Variants in ARID1B observed in about 807,000 individuals in gnomAD.
ARID1B encodes the protein AT-rich interaction domain 1B.
Under a neutral mutation model 212.3 loss-of-function variants are expected in ARID1B, and 30 were observed. The observed-to-expected ratio is 0.14, with a 90% CI of 0.11 to 0.19. ARID1B has a LOEUF of 0.19. Among genes scored for constraint, ARID1B ranks in the 10% least tolerant of loss-of-function variants. The pLI is 1.00. For missense variants in ARID1B, 2,891 were observed against 3,204.0 expected, an observed-to-expected ratio of 0.90 and a Z score of 2.36; for synonymous variants, 1,402 against 1,301.7, an observed-to-expected ratio of 1.08 and a Z score of -1.66.
chr6:156,962,148 A>C (rs1467155985), intron 4 of ARID1B, among the ~76,000 whole-genome samples: 3 of 151,830 alleles, frequency 2.0e-5, no homozygotes, highest in Non-Finnish European at 2.9e-5. Flanking sequence ...AAATACAAAA[A>C]ATTAGCCGGG....
chr6:157,036,791 G>A (rs1266244821), intron 4 of ARID1B: 2 of 488,050 alleles, frequency 4.1e-6, no homozygotes, highest in African/African-American at 2.0e-5. Context: ...GACTCAAAGA[G>A]GTTTTTGATA....
chr6:157,029,853 G>T (rs568161349), intron 4 of ARID1B, among the ~76,000 whole-genome samples: 8 of 152,168 alleles, frequency 5.3e-5, no homozygotes, highest in African/African-American at 1.9e-4. Context: ...TTAATTTTAC[G>T]GTCTTGGAAG....
intron 1 of ARID1B, 138 bp downstream of exon 1, chr6:156,779,609 C>A: frequency 3.2e-6 from 3 of 924,748 alleles, no homozygotes; most frequent in African/African-American, 1.8e-5. Context: ...GCCATCTTGA[C>A]GGGCGGCCGC....
chr6:156,850,966 C>T (rs1056083616), intron 2 of ARID1B, among the ~76,000 whole-genome samples: 2 of 152,180 alleles, frequency 1.3e-5, no homozygotes, highest in Non-Finnish European at 1.5e-5. Flanking sequence ...ATGAAGGGAA[C>T]GAGGTGCTTC....
intron 4 of ARID1B, among the ~76,000 whole-genome samples, chr6:156,950,920 T>C (rs920998717): frequency 6.6e-6 from 1 of 152,206 alleles, no homozygotes; most frequent in African/African-American, 2.4e-5. Flanking sequence ...ATAATATAAT[T>C]GATGCAATTT....
At chr6:156,948,742 A>T (rs1793358570) in intron 4 of ARID1B, among the ~76,000 whole-genome samples, 1 of 152,226 alleles carries the variant, frequency 6.6e-6, no homozygotes, top group African/African-American at 2.4e-5. Flanking sequence ...AAATTATTTC[A>T]CTGGCTTATT....
intron 2 of ARID1B, among the ~76,000 whole-genome samples, chr6:156,864,137 A>AT (rs1349294789): frequency 6.6e-6 from 1 of 152,128 alleles, no homozygotes; most frequent in African/African-American, 2.4e-5. Flanking sequence ...CTAGTTTTAT[A>AT]TTTTCTTAAA....
In ARID1B at chr6:157,157,181, C is replaced by T. The variant is rs141480703; in HGVS notation, c.3089+8230C>T. 5.1e-3 allele frequency among the ~76,000 whole-genome samples: 781 copies of T among 152,254 alleles called. 6 individuals carry two copies. The highest frequency in any genetic ancestry group is 0.018 in the African/African-American group (730 of 41,522). ...CTGTGCTCACTCGGAGATGGCTCAC[C>T]GTGACTCGCGCACCACTGTCTATGC... On this transcript the variant is annotated intron_variant, in intron 8 of 19. Coordinates refer to ENST00000636930, the MANE Select transcript of ARID1B (RefSeq NM_001374828.1).
chr6:156,830,486 A>T (rs1164390444), intron 2 of ARID1B, among the ~76,000 whole-genome samples: 1 of 152,248 alleles, frequency 6.6e-6, no homozygotes, highest in East Asian at 1.9e-4. Flanking sequence ...CATGATACAT[A>T]GCTGTATATT....
At chr6:156,944,925 CTTT>C (rs543626936) in intron 4 of ARID1B, among the ~76,000 whole-genome samples, 5 of 135,352 alleles carry the variant, frequency 3.7e-5, no homozygotes, top group Non-Finnish European at 4.7e-5. Flanking sequence ...TTTTCTTTTC[CTTT>C]TTTTTTTTTT....
intron 4 of ARID1B, among the ~76,000 whole-genome samples, chr6:157,077,280 T>G (rs569596466): frequency 6.6e-6 from 1 of 152,350 alleles, no homozygotes; most frequent in East Asian, 1.9e-4. Flanking sequence ...GTGTTTAAAG[T>G]GTTCTTAGTC....
chr6:157,165,627 C>T (rs1791274764), intron 8 of ARID1B, among the ~76,000 whole-genome samples: 1 of 152,086 alleles, frequency 6.6e-6, no homozygotes, highest in Non-Finnish European at 1.5e-5. Flanking sequence ...GTGGGCATAT[C>T]GCTTTGAGCT....
chr6:157,005,131 T>TG (rs1173319219), intron 4 of ARID1B, among the ~76,000 whole-genome samples: 215 of 122,488 alleles, frequency 1.8e-3, no homozygotes, highest in African/African-American at 7.4e-3. Context: ...CCAGGCTGTT[T>TG]TTTGTTGTTG....
At chr6:156,912,965 ACT>A (rs1177844372) in intron 3 of ARID1B, among the ~76,000 whole-genome samples, 1 of 147,344 alleles carries the variant, frequency 6.8e-6, no homozygotes, top group African/African-American at 2.5e-5. Flanking sequence ...CCTTGAATTT[ACT>A]CTGTCTAGGC....
At chr6:157,089,932 G>T (rs151256090) in intron 5 of ARID1B, among the ~76,000 whole-genome samples, 1 of 152,122 alleles carries the variant, frequency 6.6e-6, no homozygotes, top group Non-Finnish European at 1.5e-5. Context: ...TCACTTTGGC[G>T]TTAGGAGGGC....
At chr6:157,186,436 G>A (rs867879126) in intron 13 of ARID1B, 26 of 470,996 alleles carry the variant, frequency 5.5e-5, no homozygotes, top group African/African-American at 3.0e-4. Context: ...CCGAGAGCGC[G>A]TGCAGGGGGC....
chr6:156,919,345 T>A (rs918927378), intron 3 of ARID1B, among the ~76,000 whole-genome samples: 1 of 152,248 alleles, frequency 6.6e-6, no homozygotes, highest in Non-Finnish European at 1.5e-5. Flanking sequence ...AATTTGATAA[T>A]GCTATGTATT....
chr6:156,818,297 T>C (rs1013864660), intron 1 of ARID1B, among the ~76,000 whole-genome samples: 1 of 152,130 alleles, frequency 6.6e-6, no homozygotes, highest in African/African-American at 2.4e-5. Context: ...ATAGCCTGTG[T>C]ATCAGCATGG....
At chr6:156,990,478 TA>T in intron 4 of ARID1B, among the ~76,000 whole-genome samples, 1 of 152,102 alleles carries the variant, frequency 6.6e-6, no homozygotes, top group East Asian at 1.9e-4. Context: ...CCGTCTCTAC[TA>T]AAAATACAAA....
Sources: gnomAD v4.1 joint callset for allele counts (sites outside exome capture counted in the v4.1 genomes callset) on GRCh38, gnomAD v4.1.1 for gene constraint, MANE v1.5 for transcripts, NCBI Gene and HGNC (gene_info 2026-07-23, HGNC 2026-07-21) for gene names.